RNF212: variants seen among roughly 807,000 people sequenced by gnomAD.
The protein encoded by RNF212 is probable E3 SUMO-protein ligase RNF212.
Under a neutral mutation model 34.7 loss-of-function variants are expected in RNF212, and 33 were observed. The observed-to-expected ratio is 0.95, with a 90% CI of 0.72 to 1.27. RNF212 has a LOEUF of 1.27. Among genes scored for constraint, RNF212 ranks in the 50% most tolerant of loss-of-function variants. The pLI, the probability that RNF212 is intolerant of heterozygous loss-of-function variation, is 0.00. For synonymous variants in RNF212, 140 were observed against 136.1 expected, an observed-to-expected ratio of 1.03 and a Z score of -0.20; for missense variants, 377 against 362.2, an observed-to-expected ratio of 1.04 and a Z score of -0.33.
At chr4:1,079,729 CT>C in intron 7 of RNF212, 41 bp from the exon 8 acceptor site, 1 of 1,426,992 alleles carries the variant, frequency 7.0e-7, no homozygotes, top group Non-Finnish European at 9.9e-7. Context: ...GAGCCCAGGA[CT>C]TACCTCTAAC....
chr4:1,072,683 C>T lies in RNF212; in HGVS notation c.*191G>A, dbSNP rs1718635222. The T allele has an allele frequency of 1.5e-6, 2 of 1,294,532 alleles. No homozygotes were observed. The highest frequency in any genetic ancestry group is 3.2e-5 in the Admixed American group (1 of 31,174). The allele number at this position is 1,294,532 out of a possible 1,614,324, so 80.2% of individuals were successfully genotyped here. The stretch of plus-strand genomic sequence containing the variant: ...GGGATAATAACAATATATATGAGTA[C>T]ATAAAAATATTGTCTCTAAAATTCA... On this transcript the variant is annotated 3_prime_UTR_variant, in exon 10 of 10. Coordinates refer to ENST00000433731, the MANE Select transcript of RNF212 (RefSeq NM_001131034.4).
chr4:1,089,937 G>A (rs1180118791), intron 4 of RNF212, among the ~76,000 whole-genome samples: 1 of 152,156 alleles, frequency 6.6e-6, no homozygotes, highest in Non-Finnish European at 1.5e-5. Context: ...CGAATCTCAG[G>A]TTATTCTTTA....
At chr4:1,105,874 A>T (rs1215733506) in intron 2 of RNF212, among the ~76,000 whole-genome samples, 1 of 152,246 alleles carries the variant, frequency 6.6e-6, no homozygotes, top group East Asian at 1.9e-4. Context: ...CATTCCAGTC[A>T]GAGGGGACAA....
intron 8 of RNF212, among the ~76,000 whole-genome samples, chr4:1,078,003 G>T (rs954546575): frequency 3.9e-5 from 6 of 152,132 alleles, no homozygotes; most frequent in Non-Finnish European, 8.8e-5. Context: ...AAGCTGTGAC[G>T]GCTCTTCGTT....
chr4:1,070,341 G>C (rs563210675), downstream of RNF212, among the ~76,000 whole-genome samples: 29 of 149,778 alleles, frequency 1.9e-4, no homozygotes, highest in African/African-American at 7.2e-4. Flanking sequence ...CCTGGCCTGA[G>C]TTACGGGTGG....
At chr4:1,077,493 A>G (rs756471781) in intron 8 of RNF212, among the ~76,000 whole-genome samples, 11 of 152,148 alleles carry the variant, frequency 7.2e-5, no homozygotes, top group Non-Finnish European at 1.6e-4. Context: ...TTGGCCTCCC[A>G]AAGTGCTGAA....
chr4:1,073,399 T>C (rs370051508), intron 9 of RNF212, among the ~76,000 whole-genome samples, 200 bp downstream of exon 9: 1 of 152,266 alleles, frequency 6.6e-6, no homozygotes, highest in South Asian at 2.1e-4. Context: ...CTGTGACTTG[T>C]TACACGGTCA....
intron 8 of RNF212, among the ~76,000 whole-genome samples, chr4:1,076,057 T>C (rs1719243543): frequency 6.6e-6 from 1 of 152,214 alleles, no homozygotes; most frequent in East Asian, 1.9e-4. Context: ...TCCTGGTCAA[T>C]TTTACATAAT....
chr4:1,057,063 A>ACG (rs1560085738), intron 4 of RNF212: 2 of 843,452 alleles, frequency 2.4e-6, no homozygotes, highest in African/African-American at 3.7e-5. Context: ...GTGACACGGT[A>ACG]GTTACAGCAC....
Position 1,108,331 on chromosome 4 carries a change from A to G in RNF212, c.171+12T>C. On this transcript the variant is annotated intron_variant, in intron 2 of 9. Coordinates refer to ENST00000433731, the MANE Select transcript of RNF212 (RefSeq NM_001131034.4). ...TGTGATTAAGATGCAGATACGACAC[A>G]TTTCAACTTACATGCTTTGAAAGCA... 6.7e-7 allele frequency: 1 copy of G among 1,486,990 alleles called. No individual in the cohort carries two copies. Among genetic ancestry groups the G allele is most frequent in the South Asian group, 1.4e-5 (1 of 72,344 alleles). The allele number at this position is 1,486,990 out of a possible 1,614,324, so 92.1% of individuals were successfully genotyped here.
At chr4:1,057,892 C>T (rs939954437) in intron 4 of RNF212, among the ~76,000 whole-genome samples, 2 of 152,036 alleles carry the variant, frequency 1.3e-5, no homozygotes, top group African/African-American at 2.4e-5. Flanking sequence ...TGGTGAAACC[C>T]CTCTACTAAA....
chr4:1,111,482 C>A (rs1021963693), intron 1 of RNF212, among the ~76,000 whole-genome samples: 1 of 152,152 alleles, frequency 6.6e-6, no homozygotes, highest in African/African-American at 2.4e-5. Flanking sequence ...TGCTGGGTTC[C>A]CTCCCGCTGG....
chr4:1,109,757 C>T (rs1439185490), intron 1 of RNF212, among the ~76,000 whole-genome samples: 1 of 152,098 alleles, frequency 6.6e-6, no homozygotes, highest in Non-Finnish European at 1.5e-5. Flanking sequence ...GAACAACCCA[C>T]TTCACGCTAC....
chr4:1,109,324 A>G (rs1725302724), intron 1 of RNF212, among the ~76,000 whole-genome samples: 2 of 152,170 alleles, frequency 1.3e-5, no homozygotes, highest in Non-Finnish European at 2.9e-5. Flanking sequence ...TAGGCTTTAT[A>G]GTGATATCTT....
intron 5 of RNF212, among the ~76,000 whole-genome samples, chr4:1,083,426 T>C (rs908558332): frequency 6.6e-6 from 1 of 152,148 alleles, no homozygotes; most frequent in Non-Finnish European, 1.5e-5. Context: ...GCGGATCACC[T>C]GAGGTCAGGA....
intron 2 of RNF212, among the ~76,000 whole-genome samples, chr4:1,108,065 C>G (rs943339980): frequency 1.3e-5 from 2 of 152,210 alleles, no homozygotes; most frequent in Non-Finnish European, 2.9e-5. Flanking sequence ...CTTAAGGTGC[C>G]TGTATTGTGC....
At chr4:1,094,063 GAC>G in intron 3 of RNF212, 2 of 1,493,216 alleles carry the variant, frequency 1.3e-6, no homozygotes, top group Non-Finnish European at 1.8e-6. Flanking sequence ...CCCAGAGGAG[GAC>G]AGTCTTGGGG....
At chr4:1,102,577 A>T (rs1336457312) in intron 2 of RNF212, among the ~76,000 whole-genome samples, 23 of 46,558 alleles carry the variant, frequency 4.9e-4, no homozygotes, top group African/African-American at 8.7e-4. Flanking sequence ...AAAATACAAA[A>T]AAAAAACACA....
At chr4:1,093,773 G>A in intron 3 of RNF212, 1 of 1,536,316 alleles carries the variant, frequency 6.5e-7, no homozygotes, top group Non-Finnish European at 8.7e-7. Context: ...GTGAATGAGG[G>A]TCCTGCTGGG....
Sources: gnomAD v4.1 joint callset for allele counts (sites outside exome capture counted in the v4.1 genomes callset) on GRCh38, gnomAD v4.1.1 for gene constraint, MANE v1.5 for transcripts, NCBI Gene and HGNC (gene_info 2026-07-23, HGNC 2026-07-21) for gene names.